Variants in TTN observed in about 807,000 individuals in gnomAD.
TTN encodes connectin.
TTN carries 1,525 observed loss-of-function variants against 3,223.0 expected under a neutral mutation model. The ratio of observed to expected loss-of-function variants is 0.47; its 90% CI spans 0.45 to 0.49. The LOEUF is 0.49. Among genes scored for constraint, TTN ranks in the 20% least tolerant of loss-of-function variants. TTN has a pLI of 0.00. For missense variants in TTN, 40,786 were observed against 43,424.0 expected, an observed-to-expected ratio of 0.94 and a Z score of 5.40; for synonymous variants, 14,094 against 15,161.0, an observed-to-expected ratio of 0.93 and a Z score of 5.17.
rs1332447067 is a variant in TTN at position 178,569,436 on chromosome 2, G to C, written c.76696C>G (p.Leu25566Val). The C allele has an allele frequency of 1.2e-6, 2 of 1,613,228 alleles. No individual in the cohort carries two copies. ...IIDVTSSFTSLVLDNVNRYDS... is the reference protein window; with the variant it reads ...IIDVTSSFTSVVLDNVNRYDS... The stretch of plus-strand genomic sequence containing the variant: ...TATCGGTTGACATTGTCAAGAACAA[G>C]AGAGGTGAAACTGCTAGTGACATCA... Residue 25566 changes from leucine to valine, a missense_variant, in exon 326 of 363, where the codon CTT (leucine) becomes GTT (valine). By Grantham distance (32) the Leu-to-Val change is conservative. Coordinates refer to ENST00000589042, the MANE Select transcript of TTN (RefSeq NM_001267550.2).
At chr2:178,767,070 T>C (rs912998282) in intron 40 of TTN, among the ~76,000 whole-genome samples, 7 of 152,210 alleles carry the variant, frequency 4.6e-5, no homozygotes, top group Admixed American at 1.3e-4. Flanking sequence ...AAATAAATGA[T>C]GGAAGACATC....
Position 178,584,757 on chromosome 2 carries a change from C to T in TTN, c.64884G>A (p.Gln21628=), listed in dbSNP as rs772347925. The change falls in exon 310 of 363, where the codon CAG becomes CAA. Residue 21628 remains glutamine (Q), a synonymous_variant. Transcript: ENST00000589042. ...CAGCACGGACCCGGAAGATGTACTC[C>T]TGGCCTGGGATCAGCTTTCCAACCC... ...SCRVGKLIPG[Q]EYIFRVRAEN... is the part of the protein sequence containing the mutation. 1.2e-6 allele frequency: 2 copies of T among 1,613,502 alleles called. No individual in the cohort carries two copies. Among genetic ancestry groups the T allele is most frequent in the Non-Finnish European group, 1.7e-6 (2 of 1,179,582 alleles).
chr2:178,789,944 A>T, intron 12 of TTN, 34 bp downstream of exon 12: 3 of 1,611,660 alleles, frequency 1.9e-6, no homozygotes, highest in South Asian at 2.2e-5. Context: ...TAGTTTAAAG[A>T]TGAACTTTTC....
intron 214 of TTN, 74 bp downstream of exon 214, chr2:178,647,307 A>G: frequency 6.8e-7 from 1 of 1,471,738 alleles, no homozygotes; most frequent in Non-Finnish European, 9.2e-7. Context: ...CAAATACGTA[A>G]GATTCATCTA....
chr2:178,685,398 C>T lies in TTN; in HGVS notation c.32393-68G>A, dbSNP rs1577394596. The T allele has an allele frequency of 8.1e-6, 12 of 1,479,382 alleles. No individual in the cohort carries two copies. In the South Asian group the frequency reaches 1.4e-4, roughly 17 times the overall value. The allele number at this position is 1,479,382 out of a possible 1,614,324, so 91.6% of individuals were successfully genotyped here. On this transcript the variant is annotated intron_variant, in intron 128 of 362. Transcript: ENST00000589042. ...TCTTTTCGATAAAAGTGTAAGGGAT[C>T]TTTTTATTAGACATGATATTTATCA...
chr2:178,632,204 A>T lies in TTN; in HGVS notation c.43690T>A (p.Ser14564Thr), dbSNP rs181189778. Reference protein sequence around the residue: ...TFKDLSIDDTSQIRVEAMGMS... With the variant: ...TFKDLSIDDTTQIRVEAMGMS... ...CCCATAGCTTCTACTCTAATTTGGG[A>T]GGTGTCATCAATAGACAGGTCTTTG... The change falls in exon 236 of 363, where the codon TCC becomes ACC. Residue 14564 changes from serine to threonine, a missense_variant. Ser to Thr is a moderately conservative substitution (Grantham distance 58). Transcript: ENST00000589042. The T allele has an allele frequency of 3.5e-4, 569 of 1,608,584 alleles. No homozygotes were observed. The highest frequency in any genetic ancestry group is 1.0e-3 in the Admixed American group (61 of 59,410).
Position 178,561,560 on chromosome 2 carries a change from A to G in TTN, c.84572T>C (p.Leu28191Pro). The G allele has an allele frequency of 6.2e-7, 1 of 1,613,390 alleles. No homozygotes were observed. Among genetic ancestry groups the G allele is most frequent in the East Asian group, 2.2e-5 (1 of 44,758 alleles). ...DGGSRVIGYH[L>P]EYKERSSILW... ...AATGCTGCTTCTTTCTTTATACTCA[A>G]GATGATAGCCAATTACTCGACTTCC... Residue 28191 changes from leucine (L) to proline (P), a missense_variant, in exon 326 of 363, where the codon CTT (leucine) becomes CCT (proline). Transcript: ENST00000589042.
chr2:178,640,096 G>A lies in TTN; in HGVS notation c.40738C>T (p.Pro13580Ser). 1 of 1,611,896 alleles carries A rather than the reference G, an allele frequency of 6.2e-7. No homozygotes were observed. Residue 13580 changes from proline (P) to serine (S), a missense_variant, in exon 222 of 363, where the codon CCA becomes TCA. By Grantham distance (74) the Pro-to-Ser change is moderately conservative. Coordinates refer to ENST00000589042, the MANE Select transcript of TTN (RefSeq NM_001267550.2). ...TCAGGTGCAGGGAGAGGTATTGCTG[G>A]CTTGATTTCAGGCACTGAAATAATT... Reference protein sequence around the residue: ...PEPTKVPEIKPAIPLPAPEPK... With the variant: ...PEPTKVPEIKSAIPLPAPEPK...
intron 40 of TTN, among the ~76,000 whole-genome samples, chr2:178,767,544 G>A (rs112943273): frequency 3.9e-5 from 6 of 152,256 alleles, no homozygotes; most frequent in Admixed American, 1.3e-4. Context: ...TTTAATTAAC[G>A]TATTTAGACA....
Position 178,734,531 on chromosome 2 carries a change from A to G in TTN, c.15293T>C (p.Val5098Ala), listed in dbSNP as rs1349400261. 9 of 1,612,086 alleles carry G rather than the reference A, an allele frequency of 5.6e-6. No homozygotes were observed. The highest frequency in any genetic ancestry group is 7.6e-6 in the Non-Finnish European group (9 of 1,178,760). ...RGTNALLQCE[V>A]SGTGPFEISW... is the part of the protein sequence containing the mutation. The stretch of plus-strand genomic sequence containing the variant: ...AATTTCAAATGGTCCAGTGCCTGAG[A>G]CTTCACACTGAAGTAGAGCATTTGT... Residue 5098 changes from valine to alanine, a missense_variant, in exon 52 of 363, where the codon GTC (valine) becomes GCC (alanine). Val to Ala is a moderately conservative substitution (Grantham distance 64, BLOSUM62 0). Transcript: ENST00000589042.
At chr2:178,553,480 A>T in intron 334 of TTN, 22 bp downstream of exon 334, 1 of 1,585,498 alleles carries the variant, frequency 6.3e-7, no homozygotes, top group Non-Finnish European at 8.6e-7. Flanking sequence ...TAAAAAACAT[A>T]ATCAAACCAG....
chr2:178,731,138 G>A lies in TTN; in HGVS notation c.17527C>T (p.Gln5843Ter). ...DVTQGDPATL[Q>*]VKFSGTKEIT... ...TCCTTAGTCCCTGAAAATTTAACCTGCAAAGTGGCTGGGTCTCCTTGGGTG... is the reference window on the plus strand; with the variant it reads ...TCCTTAGTCCCTGAAAATTTAACCTACAAAGTGGCTGGGTCTCCTTGGGTG... The change falls in exon 60 of 363, where the codon CAG becomes TAG. Residue 5843 changes from glutamine (Q) to a stop codon, truncating the protein, a stop_gained. Coordinates refer to ENST00000589042, the MANE Select transcript of TTN (RefSeq NM_001267550.2). LOFTEE classifies it high-confidence loss of function. 6.2e-7 allele frequency: 1 copy of A among 1,613,648 alleles called. No homozygotes were observed. The highest frequency in any genetic ancestry group is 8.5e-7 in the Non-Finnish European group (1 of 1,179,698).
rs1056456150 is a variant in TTN at position 178,531,020 on chromosome 2, A to G, written c.105595T>C (p.Tyr35199His). The change falls in exon 358 of 363, where the codon TAC becomes CAC. Residue 35199 changes from tyrosine (Y) to histidine (H), a missense_variant. Coordinates refer to ENST00000589042, the MANE Select transcript of TTN (RefSeq NM_001267550.2). ...SSVQASDEGN[Y>H]SVVVENSEGK... ...TCACTGTTTTCTACCACCACGCTGT[A>G]ATTGCCCTCATCGGAAGCCTGGACT... is the stretch of plus-strand genomic sequence containing the variant. 6.2e-7 allele frequency: 1 copy of G among 1,613,758 alleles called. No homozygotes were observed. The highest frequency in any genetic ancestry group is 1.7e-5 in the Admixed American group (1 of 59,990).
At chr2:178,750,601 A>G in intron 47 of TTN, 3 of 1,612,542 alleles carry the variant, frequency 1.9e-6, no homozygotes, top group Non-Finnish European at 2.5e-6. Flanking sequence ...TTCGAAAAGA[A>G]TTTTCAAAAA....
At position 178,589,153 on chromosome 2, in the gene TTN, T is replaced by C. The variant is rs200689750; in HGVS notation, c.62572A>G (p.Thr20858Ala). 5.7e-4 allele frequency: 912 copies of C among 1,613,320 alleles called. 2 individuals are homozygous for C. Among genetic ancestry groups the C allele is most frequent in the Non-Finnish European group, 7.4e-4 (872 of 1,179,624 alleles). Residue 20858 changes from threonine (T) to alanine (A), a missense_variant, in exon 304 of 363, where the codon ACT becomes GCT. Physicochemically the swap from Thr to Ala is moderately conservative, Grantham distance 58. Coordinates refer to ENST00000589042, the MANE Select transcript of TTN (RefSeq NM_001267550.2). ...CCAGGCTTATCTAAAACATTGACAG[T>C]GGCATAGGCCACAAAACTGCCAGCC... is the stretch of plus-strand genomic sequence containing the variant. ...NTAGSFVAYA[T>A]VNVLDKPGPV... is the part of the protein sequence containing the mutation.
At chr2:178,648,948 G>A (rs527378539) in intron 213 of TTN, among the ~76,000 whole-genome samples, 2 of 152,196 alleles carry the variant, frequency 1.3e-5, no homozygotes, top group South Asian at 4.1e-4. Flanking sequence ...TTTCTAATAT[G>A]ATGTCTTGTT....
At chr2:178,799,446 C>T in intron 6 of TTN, 41 bp downstream of exon 6, 1 of 1,613,340 alleles carries the variant, frequency 6.2e-7, no homozygotes, top group South Asian at 1.1e-5. Flanking sequence ...AAACCTAGTT[C>T]CAAAATGTGC....
Position 178,561,882 on chromosome 2 carries a change from C to T in TTN, c.84250G>A (p.Gly28084Ser), listed in dbSNP as rs547578610. The change falls in exon 326 of 363, where the codon GGC becomes AGC. Residue 28084 changes from glycine to serine, a missense_variant. Transcript: ENST00000589042. Reference sequence around the variant, plus strand: ...ACAATGTAATTGCTAATTTGGCAGCCACCATCATATTCTGGAGGATTCCAA... The same window carrying T: ...ACAATGTAATTGCTAATTTGGCAGCTACCATCATATTCTGGAGGATTCCAA... The part of the protein sequence containing the change: ...ISWNPPEYDG[G>S]CQISNYIVEK... The T allele has an allele frequency of 3.7e-6, 6 of 1,613,600 alleles. No individual in the cohort carries two copies. In the East Asian group the frequency reaches 1.3e-4, roughly 36 times the overall value.
rs751773101 is a variant in TTN, at chr2:178,781,277, T to G, written c.3381-14A>C. The G allele has an allele frequency of 1.9e-6, 3 of 1,613,628 alleles. No individual in the cohort carries two copies. Among genetic ancestry groups the G allele is most frequent in the Non-Finnish European group, 2.5e-6 (3 of 1,179,788 alleles). On this transcript the variant is annotated splice_polypyrimidine_tract_variant and intron_variant, in intron 20 of 362. Transcript: ENST00000589042. ...CTCACTTTGTATCTTTATGTAAATG[T>G]ACAAAATTTAAAAATCAGTTATCAA...
Sources: allele counts gnomAD v4.1 joint callset (sites outside exome capture counted in the v4.1 genomes callset), GRCh38; gene constraint gnomAD v4.1.1; transcripts MANE v1.5; gene names NCBI Gene and HGNC (gene_info 2026-07-23, HGNC 2026-07-21).